The following CD80 variants were observed in gnomAD, a reference collection of about 807,000 sequenced individuals.
The protein encoded by CD80 is T-lymphocyte activation antigen CD80.
Under a neutral mutation model 27.1 loss-of-function variants are expected in CD80, and 13 were observed. The ratio of observed to expected loss-of-function variants is 0.48; its 90% CI spans 0.31 to 0.76. CD80 has a LOEUF of 0.76. Among genes scored for constraint, CD80 ranks in the 30% least tolerant of loss-of-function variants. The pLI is 0.04. For missense variants in CD80, 277 were observed against 347.9 expected (o/e 0.80, Z 1.62); for synonymous variants, 125 against 125.5 (o/e 1.00, Z 0.03).
intron 1 of CD80, among the ~76,000 whole-genome samples, chr3:119,558,224 A>G (rs1024225855): frequency 7.9e-5 from 12 of 152,154 alleles, no homozygotes; most frequent in African/African-American, 2.9e-4. Context: ...AAAAGTTCAA[A>G]TCCTCTTCTG....
intron 6 of CD80, among the ~76,000 whole-genome samples, chr3:119,526,318 A>AT (rs1375429075): frequency 6.6e-6 from 1 of 152,172 alleles, no homozygotes; most frequent in African/African-American, 2.4e-5. Flanking sequence ...TGTGTAGAAG[A>AT]TTGGGTACAC....
intron 5 of CD80, 42 bp downstream of exon 5, chr3:119,529,800 C>G: frequency 7.4e-7 from 1 of 1,347,992 alleles, no homozygotes; most frequent in Non-Finnish European, 1.1e-6. Context: ...AAAGTTTGAT[C>G]TTCCAGAATT....
intron 2 of CD80, among the ~76,000 whole-genome samples, chr3:119,548,365 T>G (rs528403269): frequency 6.6e-6 from 1 of 152,072 alleles, no homozygotes; most frequent in East Asian, 1.9e-4. Context: ...GGGCCAGGAG[T>G]TGGGGACAGA....
At chr3:119,527,593 C>A in intron 6 of CD80, 140 bp downstream of exon 6, 1 of 515,882 alleles carries the variant, frequency 1.9e-6, no homozygotes, top group Non-Finnish European at 3.4e-6. Context: ...GGATGCCAGC[C>A]ATCTTGTAAC....
chr3:119,558,973 A>G (rs547241234), intron 1 of CD80, among the ~76,000 whole-genome samples: 3 of 152,260 alleles, frequency 2.0e-5, no homozygotes, highest in Admixed American at 6.5e-5. Flanking sequence ...AGTTCCAGCC[A>G]CGCCATATTG....
chr3:119,525,607 C>T lies in CD80; in HGVS notation c.*181G>A, dbSNP rs1387523441. 1 of 152,482 alleles carries T rather than the reference C, an allele frequency of 6.6e-6. No individual in the cohort carries two copies. The highest frequency in any genetic ancestry group is 1.5e-5 in the Non-Finnish European group (1 of 68,028). 9.4% of individuals were successfully genotyped at this position (152,482 alleles called of 1,614,324 possible). ...CAAGGTCACCAGAGCTACTTCTGTG[C>T]CCACCATATTCCTCTAGACACTTCC... On this transcript the variant is annotated 3_prime_UTR_variant, in exon 7 of 7. Coordinates refer to ENST00000264246, the MANE Select transcript of CD80 (RefSeq NM_005191.4).
rs534595776 is a variant in CD80, at chr3:119,540,096, G to C, written c.419-2678C>G. ...GCCTCCAGAGTAGCTGGGACTACAGGAGCCCACCACTACCATCTAATTTCT... is the reference window on the plus strand; with the variant it reads ...GCCTCCAGAGTAGCTGGGACTACAGCAGCCCACCACTACCATCTAATTTCT... On this transcript the variant is annotated intron_variant, in intron 3 of 6. Transcript: ENST00000264246. Among the ~76,000 whole-genome samples, 175 of 152,282 alleles carry C rather than the reference G, an allele frequency of 1.1e-3. 2 individuals carry two copies. The highest frequency in any genetic ancestry group is 1.2e-4 in the Non-Finnish European group (8 of 68,020).
chr3:119,534,760 G>A (rs1007522773), intron 4 of CD80, among the ~76,000 whole-genome samples: 42 of 152,296 alleles, frequency 2.8e-4, no homozygotes, highest in African/African-American at 7.7e-4. Context: ...TATGATTGAA[G>A]CCTCATTTTA....
intron 1 of CD80, among the ~76,000 whole-genome samples, chr3:119,558,453 C>T (rs550396070): frequency 5.9e-5 from 9 of 152,256 alleles, no homozygotes; most frequent in South Asian, 4.1e-4. Context: ...ACACTGCAGA[C>T]GTTACTTATC....
At chr3:119,528,348 G>A (rs1043612901) in intron 5 of CD80, among the ~76,000 whole-genome samples, 1 of 152,134 alleles carries the variant, frequency 6.6e-6, no homozygotes, top group African/African-American at 2.4e-5. Context: ...ATCAGCAGAT[G>A]TTGATCTTCC....
chr3:119,534,666 T>C (rs1257150987), intron 4 of CD80, among the ~76,000 whole-genome samples: 1 of 152,216 alleles, frequency 6.6e-6, no homozygotes, highest in Non-Finnish European at 1.5e-5. Context: ...AGTACTCTAC[T>C]GTTTTCTGCC....
intron 2 of CD80, among the ~76,000 whole-genome samples, chr3:119,551,254 C>T (rs1333003157): frequency 6.6e-6 from 1 of 152,170 alleles, no homozygotes; most frequent in African/African-American, 2.4e-5. Context: ...CCTCTCTGGG[C>T]TTCAGGTTCC....
chr3:119,529,750 A>G, intron 5 of CD80, 92 bp downstream of exon 5: 2 of 831,990 alleles, frequency 2.4e-6, no homozygotes, highest in Non-Finnish European at 4.0e-6. Flanking sequence ...ATGAGAAGCG[A>G]ATAGGCTAAA....
chr3:119,558,268 G>T (rs1294075373), intron 1 of CD80, among the ~76,000 whole-genome samples: 1 of 152,190 alleles, frequency 6.6e-6, no homozygotes, highest in Non-Finnish European at 1.5e-5. Context: ...GACAGTAAGG[G>T]TGTATTTTGT....
intron 5 of CD80, 39 bp downstream of exon 5, chr3:119,529,803 C>A: frequency 7.3e-7 from 1 of 1,372,784 alleles, no homozygotes; most frequent in Non-Finnish European, 1.0e-6. Context: ...GTTTGATCTT[C>A]CAGAATTGAG....
At chr3:119,553,170 C>T (rs1355563790) in intron 2 of CD80, among the ~76,000 whole-genome samples, 2 of 151,478 alleles carry the variant, frequency 1.3e-5, no homozygotes, top group African/African-American at 4.8e-5. Flanking sequence ...GGCAGAGTCT[C>T]GCTCTGTTGC....
rs1476408203 is a variant in CD80 at position 119,524,659 on chromosome 3, C to T, written c.*1129G>A. The T allele has an allele frequency of 6.6e-6, 1 of 152,214 alleles. No individual in the cohort carries two copies. The highest frequency in any genetic ancestry group is 1.5e-5 in the Non-Finnish European group (1 of 68,050). 9.4% of individuals were successfully genotyped at this position (152,214 alleles called of 1,614,324 possible). On this transcript the variant is annotated 3_prime_UTR_variant, in exon 7 of 7. Coordinates refer to ENST00000264246, the MANE Select transcript of CD80 (RefSeq NM_005191.4). ...TGTTGTCTTCTTTTGCTGTTCAACT[C>T]CAGATTTTCAGATGATAATGTGATT...
intron 2 of CD80, among the ~76,000 whole-genome samples, chr3:119,553,252 G>T (rs1166075820): frequency 6.6e-6 from 1 of 151,846 alleles, no homozygotes. Flanking sequence ...AGATTCTCCT[G>T]CCTCAGCCTC....
intron 2 of CD80, among the ~76,000 whole-genome samples, chr3:119,547,251 T>G (rs2082206880): frequency 6.6e-6 from 1 of 152,230 alleles, no homozygotes; most frequent in Non-Finnish European, 1.5e-5. Context: ...ACATTGGTTA[T>G]TATGAAGATT....
Sources: allele counts gnomAD v4.1 joint callset (sites outside exome capture counted in the v4.1 genomes callset), GRCh38; gene constraint gnomAD v4.1.1; transcripts MANE v1.5; gene names NCBI Gene and HGNC (gene_info 2026-07-23, HGNC 2026-07-21).